Variants in NELL1 observed in about 807,000 individuals in gnomAD.
NELL1 encodes the protein neural EGFL like 1, also known as protein kinase C-binding protein NELL1.
In NELL1, 76 loss-of-function variants were observed where a neutral mutation model predicts 107.4. The observed-to-expected ratio is 0.71, with a 90% CI of 0.59 to 0.86. The LOEUF is 0.86. NELL1 is among the 40% of genes least tolerant of loss of function. NELL1 has a pLI of 0.00. For missense variants in NELL1, 1,024 were observed against 1,005.5 expected (o/e 1.02, Z -0.25); for synonymous variants, 353 against 341.2 (o/e 1.03, Z -0.38).
At chr11:21,098,416 A>C (rs1210226855) in intron 12 of NELL1, among the ~76,000 whole-genome samples, 1 of 152,156 alleles carries the variant, frequency 6.6e-6, no homozygotes, top group Non-Finnish European at 1.5e-5. Flanking sequence ...TAATCTCTGT[A>C]ACCTCATCGC....
At chr11:21,574,921 A>G in intron 19 of NELL1, 51 bp from the exon 20 acceptor site, 1 of 1,521,678 alleles carries the variant, frequency 6.6e-7, no homozygotes, top group South Asian at 1.1e-5. Flanking sequence ...GCAGACTGCT[A>G]ATTTATATTC....
At chr11:21,132,236 C>T (rs551549300) in intron 13 of NELL1, among the ~76,000 whole-genome samples, 7 of 152,022 alleles carry the variant, frequency 4.6e-5, no homozygotes, top group South Asian at 4.2e-4. Context: ...TATATGCACG[C>T]GTGCACACAC....
At chr11:21,303,814 T>G (rs1237235378) in intron 14 of NELL1, among the ~76,000 whole-genome samples, 2 of 151,974 alleles carry the variant, frequency 1.3e-5, no homozygotes, top group African/African-American at 4.8e-5. Flanking sequence ...TTTCTTACAG[T>G]TTAGGAGGCT....
At chr11:21,507,882 G>A (rs1855328721) in intron 15 of NELL1, among the ~76,000 whole-genome samples, 1 of 151,746 alleles carries the variant, frequency 6.6e-6, no homozygotes, top group South Asian at 2.1e-4. Flanking sequence ...CCGGGTTCCA[G>A]CGATTCTCCT....
chr11:21,241,965 A>T (rs910363801), intron 14 of NELL1, among the ~76,000 whole-genome samples: 1 of 148,330 alleles, frequency 6.7e-6, no homozygotes, highest in African/African-American at 2.5e-5. Context: ...TTCCAAGGAC[A>T]TGTGTGTTAC....
chr11:21,250,295 AGT>A (rs2133909456), intron 14 of NELL1, among the ~76,000 whole-genome samples: 1 of 152,282 alleles, frequency 6.6e-6, no homozygotes, highest in South Asian at 2.1e-4. Flanking sequence ...TCTAAGTAAC[AGT>A]TACTTATTGT....
At chr11:21,040,182 G>A (rs1853195545) in intron 12 of NELL1, among the ~76,000 whole-genome samples, 1 of 150,502 alleles carries the variant, frequency 6.6e-6, no homozygotes, top group African/African-American at 2.4e-5. Flanking sequence ...GTGTGTGTGT[G>A]TAAATTTAAT....
rs182971890 is a variant in NELL1, at chr11:21,155,025, C to T, written c.1426+41311C>T. Among the ~76,000 whole-genome samples the T allele has an allele frequency of 1.3e-3, 202 of 152,242 alleles. 1 individual carries two copies. In the Middle Eastern group the frequency reaches 0.044, roughly 33 times the overall value. On this transcript the variant is annotated intron_variant, in intron 13 of 19. Transcript: ENST00000357134. ...ACTCACATGAAAGGTGAATGCATTA[C>T]TTCTGGTAAGAGACAGTGGTCTGAA... is the stretch of plus-strand genomic sequence containing the variant.
intron 12 of NELL1, among the ~76,000 whole-genome samples, chr11:21,005,642 C>G (rs1852312794): frequency 2.0e-5 from 3 of 152,172 alleles, no homozygotes; most frequent in Non-Finnish European, 4.4e-5. Context: ...CACAGTTTTG[C>G]AGCCTGAGGT....
At chr11:21,071,037 A>C (rs1227794794) in intron 12 of NELL1, among the ~76,000 whole-genome samples, 3 of 152,170 alleles carry the variant, frequency 2.0e-5, no homozygotes, top group African/African-American at 7.2e-5. Flanking sequence ...CATATAGTCC[A>C]GGTTTGCCTC....
intron 12 of NELL1, among the ~76,000 whole-genome samples, chr11:20,963,185 A>G (rs953920976): frequency 6.6e-5 from 10 of 152,136 alleles, no homozygotes; most frequent in African/African-American, 2.4e-4. Context: ...GGCAGGGCTT[A>G]AAAACCTTGT....
chr11:21,237,914 A>C (rs1858250853), intron 14 of NELL1, among the ~76,000 whole-genome samples: 2 of 152,002 alleles, frequency 1.3e-5, no homozygotes, highest in African/African-American at 4.8e-5. Context: ...TCCAAATATA[A>C]CAGCTTTAAA....
intron 4 of NELL1, among the ~76,000 whole-genome samples, chr11:20,862,289 A>ATT (rs71063671): frequency 0.024 from 3,627 of 151,486 alleles, 140 homozygotes; most frequent in African/African-American, 0.083. Flanking sequence ...TTCAAGAGTC[A>ATT]TTTTTTTTTA....
intron 2 of NELL1, among the ~76,000 whole-genome samples, chr11:20,738,534 G>A (rs1027334212): frequency 6.6e-6 from 1 of 152,160 alleles, no homozygotes; most frequent in African/African-American, 2.4e-5. Context: ...TTGTGTTCAC[G>A]TTAGAAAATT....
At chr11:20,778,255 T>A (rs1378046755) in intron 2 of NELL1, among the ~76,000 whole-genome samples, 1 of 152,194 alleles carries the variant, frequency 6.6e-6, no homozygotes, top group Admixed American at 6.5e-5. Context: ...GGAAACTGTC[T>A]TGCTTACGTG....
At chr11:20,749,915 A>G (rs1856094713) in intron 2 of NELL1, among the ~76,000 whole-genome samples, 1 of 152,162 alleles carries the variant, frequency 6.6e-6, no homozygotes, top group Non-Finnish European at 1.5e-5. Flanking sequence ...TTTTATTGTC[A>G]GCTAGTTTTC....
At chr11:21,487,437 A>G (rs1475835208) in intron 15 of NELL1, among the ~76,000 whole-genome samples, 1 of 151,128 alleles carries the variant, frequency 6.6e-6, no homozygotes, top group Non-Finnish European at 1.5e-5. Context: ...GATGAGCCCT[A>G]CTAAAATTGA....
rs61885469 is a variant in NELL1, at chr11:21,291,311, G to A, written c.1549+61857G>A. 2.1e-4 allele frequency among the ~76,000 whole-genome samples: 32 copies of A among 152,178 alleles called. No individual in the cohort carries two copies. The South Asian group carries it at 3.7e-3, about 18-fold the overall frequency. The stretch of plus-strand genomic sequence containing the variant: ...AAACCAATGAGAGCAAAGACACAAC[G>A]TACCAGAATCTCTGGGACACAGCTA... On this transcript the variant is annotated intron_variant, in intron 14 of 19. Coordinates refer to ENST00000357134, the MANE Select transcript of NELL1 (RefSeq NM_006157.5).
chr11:21,341,629 A>C (rs1293763077), intron 14 of NELL1, among the ~76,000 whole-genome samples: 2 of 152,164 alleles, frequency 1.3e-5, no homozygotes, highest in Non-Finnish European at 2.9e-5. Context: ...CAGTAGCTGA[A>C]ACTGTTCCCC....
Sources: gnomAD v4.1 joint callset for allele counts (sites outside exome capture counted in the v4.1 genomes callset) on GRCh38, gnomAD v4.1.1 for gene constraint, MANE v1.5 for transcripts, NCBI Gene and HGNC (gene_info 2026-07-23, HGNC 2026-07-21) for gene names.